Variants in SUSD4 observed in about 807,000 individuals in gnomAD.
SUSD4 encodes the protein sushi domain containing 4.
In SUSD4, 41 loss-of-function variants were observed where a neutral mutation model predicts 50.5. The ratio of observed to expected loss-of-function variants is 0.81; its 90% CI spans 0.63 to 1.05. SUSD4 has a LOEUF of 1.05. Among genes scored for constraint, SUSD4 ranks in the 50% least tolerant of loss-of-function variants. The pLI is 0.00. For missense variants in SUSD4, 580 were observed against 634.7 expected (o/e 0.91, Z 0.93); for synonymous variants, 257 against 257.3 (o/e 1.00, Z 0.01).
In SUSD4 at chr1:223,284,821, C is replaced by T. The variant is rs186253031; in HGVS notation, c.361+7618G>A. Among the ~76,000 whole-genome samples the T allele has an allele frequency of 3.5e-3, 534 of 152,024 alleles. 10 individuals carry two copies. The highest frequency in any genetic ancestry group is 0.032 in the Admixed American group (486 of 15,270). On this transcript the variant is annotated intron_variant, in intron 3 of 8. Coordinates refer to ENST00000366878, the MANE Select transcript of SUSD4 (RefSeq NM_017982.4). ...TGTGGAAGCTAATATAGACTGATCT[C>T]ATAGAAGTAAAAAGTAGAAAAGAGG...
At chr1:223,245,576 C>T (rs543688940) in intron 5 of SUSD4, among the ~76,000 whole-genome samples, 292 of 152,126 alleles carry the variant, frequency 1.9e-3, no homozygotes, top group South Asian at 7.5e-3. Flanking sequence ...CATGGAACCA[C>T]GGCAAGTAGT....
At chr1:223,276,272 T>C (rs1366536826) in intron 3 of SUSD4, among the ~76,000 whole-genome samples, 1 of 152,234 alleles carries the variant, frequency 6.6e-6, no homozygotes, top group Admixed American at 6.5e-5. Flanking sequence ...GATCTGTGTA[T>C]GTGCTGATGA....
chr1:223,251,431 G>A (rs1021332203), intron 5 of SUSD4, among the ~76,000 whole-genome samples: 4 of 152,164 alleles, frequency 2.6e-5, no homozygotes, highest in African/African-American at 9.7e-5. Flanking sequence ...AGCCCTTCAT[G>A]AGGGATCCAC....
At chr1:223,247,424 G>A (rs1661014410) in intron 5 of SUSD4, among the ~76,000 whole-genome samples, 2 of 152,204 alleles carry the variant, frequency 1.3e-5, no homozygotes, top group South Asian at 2.1e-4. Flanking sequence ...GAATGACTGG[G>A]TGGAGAAGAG....
chr1:223,341,386 C>T (rs1231508919), intron 2 of SUSD4, among the ~76,000 whole-genome samples: 5 of 152,220 alleles, frequency 3.3e-5, no homozygotes, highest in Non-Finnish European at 5.9e-5. Flanking sequence ...CTGCATCTCT[C>T]TAGCCCAGGC....
intron 3 of SUSD4, among the ~76,000 whole-genome samples, chr1:223,284,281 G>A (rs1663980859): frequency 6.6e-6 from 1 of 152,244 alleles, no homozygotes. Context: ...TTGGTAACGA[G>A]ATCCAACCCT....
intron 2 of SUSD4, among the ~76,000 whole-genome samples, chr1:223,353,375 C>A (rs745992059): frequency 6.6e-6 from 1 of 152,170 alleles, no homozygotes; most frequent in Non-Finnish European, 1.5e-5. Context: ...TCCCTCCAGA[C>A]GCTCAATAAT....
chr1:223,226,699 G>A (rs145887435), intron 7 of SUSD4, among the ~76,000 whole-genome samples: 3 of 152,258 alleles, frequency 2.0e-5, no homozygotes, highest in African/African-American at 4.8e-5. Context: ...GGCTGTCCCT[G>A]TGGGCAAAAA....
intron 5 of SUSD4, chr1:223,263,799 T>C (rs1231829488): frequency 4.1e-6 from 4 of 985,338 alleles, no homozygotes; most frequent in Non-Finnish European, 4.8e-6. Context: ...ACTCATTTGT[T>C]TCCATATTCC....
chr1:223,283,034 C>T (rs563533313), intron 3 of SUSD4, among the ~76,000 whole-genome samples: 1 of 152,198 alleles, frequency 6.6e-6, no homozygotes, highest in South Asian at 2.1e-4. Context: ...ACTGGCTAGC[C>T]ATATGTAGAA....
intron 2 of SUSD4, among the ~76,000 whole-genome samples, chr1:223,294,220 C>CG (rs1409056493): frequency 6.6e-6 from 1 of 152,126 alleles, no homozygotes; most frequent in African/African-American, 2.4e-5. Context: ...GCCCATCCAT[C>CG]CCCACCCCCA....
At chr1:223,317,851 C>CTTTTTTTTTTTTTTTTTTTTTTTT (rs1172641015) in intron 2 of SUSD4, among the ~76,000 whole-genome samples, 16 of 100,746 alleles carry the variant, frequency 1.6e-4, no homozygotes, top group Admixed American at 2.4e-4. Context: ...TTTTTTTTTT[C>CTTTTTTTTTTTTTTTTTTTTTTTT]TTTTTTTTTT....
intron 3 of SUSD4, among the ~76,000 whole-genome samples, chr1:223,284,696 G>C (rs1353287231): frequency 1.3e-5 from 2 of 152,108 alleles, no homozygotes; most frequent in Non-Finnish European, 2.9e-5. Flanking sequence ...ATAAAATTTT[G>C]TCATTGATGG....
chr1:223,221,195 A>G lies in SUSD4; in HGVS notation c.*997T>C. 2.5e-6 allele frequency: 1 copy of G among 400,470 alleles called. No homozygotes were observed. Among genetic ancestry groups the G allele is most frequent in the Non-Finnish European group, 4.4e-6 (1 of 226,158 alleles). 24.8% of individuals were successfully genotyped at this position (400,470 alleles called of 1,614,324 possible). On this transcript the variant is annotated 3_prime_UTR_variant, in exon 9 of 9. Transcript: ENST00000366878. ...AAAAGGGGGAAAAATCCAACCTCAC[A>G]CTTCTTTTGAAGGTCGGATATGTTT... is the stretch of plus-strand genomic sequence containing the variant.
At chr1:223,314,941 A>G (rs1044594738) in intron 2 of SUSD4, among the ~76,000 whole-genome samples, 1 of 152,222 alleles carries the variant, frequency 6.6e-6, no homozygotes. Context: ...TTTCTCCCCT[A>G]GAACAAAGAT....
intron 3 of SUSD4, among the ~76,000 whole-genome samples, chr1:223,282,764 A>G (rs899973228): frequency 2.6e-5 from 4 of 152,256 alleles, no homozygotes; most frequent in Admixed American, 6.5e-5. Context: ...AGAACCAAAA[A>G]AGAGCCTGCA....
intron 2 of SUSD4, among the ~76,000 whole-genome samples, chr1:223,351,525 C>T (rs1235934529): frequency 6.6e-6 from 1 of 152,108 alleles, no homozygotes; most frequent in African/African-American, 2.4e-5. Flanking sequence ...TTTCCTGGAG[C>T]TGGGGAGGAA....
At chr1:223,285,553 T>A (rs1664083266) in intron 3 of SUSD4, among the ~76,000 whole-genome samples, 1 of 152,184 alleles carries the variant, frequency 6.6e-6, no homozygotes, top group African/African-American at 2.4e-5. Flanking sequence ...AGAGTACCCA[T>A]GTGCTTTCCT....
chr1:223,223,178 A>C, intron 8 of SUSD4, 71 bp downstream of exon 8: 2 of 1,492,986 alleles, frequency 1.3e-6, no homozygotes, highest in Non-Finnish European at 1.8e-6. Context: ...GTGCGTAGCA[A>C]GGAGCTGGCT....
Sources: gnomAD v4.1 joint callset for allele counts (sites outside exome capture counted in the v4.1 genomes callset) on GRCh38, gnomAD v4.1.1 for gene constraint, MANE v1.5 for transcripts, NCBI Gene and HGNC (gene_info 2026-07-23, HGNC 2026-07-21) for gene names.